The following SDK1 variants were observed in gnomAD, a reference collection of about 807,000 sequenced individuals.
The protein encoded by SDK1 is sidekick cell adhesion molecule 1.
A neutral mutation model predicts 245.5 loss-of-function variants in SDK1; 157 were observed. The ratio of observed to expected loss-of-function variants is 0.64; its 90% confidence interval spans 0.56 to 0.73. The LOEUF (loss-of-function observed/expected upper bound fraction) is 0.73, where lower values mean the gene tolerates loss of function less well. Ranked by LOEUF, SDK1 falls within the 30% of genes least tolerant of loss-of-function variation. SDK1 has a pLI of 0.00. For synonymous variants in SDK1, 1,647 were observed against 1,278.5 expected, an observed-to-expected ratio of 1.29 and a Z score of -6.15; for missense variants, 3,583 against 3,002.3, an observed-to-expected ratio of 1.19 and a Z score of -4.52.
intron 35 of SDK1, among the ~76,000 whole-genome samples, chr7:4,188,695 G>A (rs1443638059): frequency 1.3e-5 from 2 of 149,938 alleles, no homozygotes; most frequent in South Asian, 2.1e-4. Flanking sequence ...AAAAAAGAAA[G>A]AAAGAAAAAA....
chr7:3,762,014 C>T (rs774860993), intron 4 of SDK1, among the ~76,000 whole-genome samples: 1 of 152,174 alleles, frequency 6.6e-6, no homozygotes, highest in Non-Finnish European at 1.5e-5. Flanking sequence ...CACAAACTAT[C>T]AGCAGATGAC....
chr7:3,755,969 A>G (rs981287898), intron 4 of SDK1, among the ~76,000 whole-genome samples: 3 of 152,026 alleles, frequency 2.0e-5, no homozygotes, highest in Admixed American at 6.5e-5. Flanking sequence ...TTCACATGGC[A>G]TAGCACGTGT....
At chr7:4,090,975 A>T (rs1007579725) in intron 22 of SDK1, among the ~76,000 whole-genome samples, 1 of 152,084 alleles carries the variant, frequency 6.6e-6, no homozygotes, top group South Asian at 2.1e-4. Flanking sequence ...ATTCCACTCT[A>T]TGTGGCCAGT....
chr7:4,232,397 C>T (rs996247550), intron 40 of SDK1, among the ~76,000 whole-genome samples: 1,024 of 71,552 alleles, frequency 0.014, no homozygotes, highest in African/African-American at 0.017. Context: ...TTTTTCTTTT[C>T]TTTTCTTTTC....
chr7:3,566,379 C>G (rs1779918381), intron 1 of SDK1, among the ~76,000 whole-genome samples: 1 of 152,002 alleles, frequency 6.6e-6, no homozygotes, highest in Non-Finnish European at 1.5e-5. Context: ...CACCCGCCAT[C>G]ACGCCCAGCT....
At chr7:3,752,990 C>T (rs1583376000) in intron 4 of SDK1, among the ~76,000 whole-genome samples, 1 of 152,224 alleles carries the variant, frequency 6.6e-6, no homozygotes, top group Middle Eastern at 3.4e-3. Context: ...ATTTCTCCAC[C>T]CTGAAAGATA....
At chr7:3,453,262 T>A (rs747867881) in intron 1 of SDK1, among the ~76,000 whole-genome samples, 26 of 152,202 alleles carry the variant, frequency 1.7e-4, no homozygotes, top group Non-Finnish European at 3.4e-4. Flanking sequence ...AGAACTTGGC[T>A]GGGCATGAGG....
At chr7:3,822,938 A>G (rs1779682521) in intron 5 of SDK1, among the ~76,000 whole-genome samples, 1 of 152,050 alleles carries the variant, frequency 6.6e-6, no homozygotes, top group East Asian at 1.9e-4. Flanking sequence ...GGGGTCTCAG[A>G]TGCCTGCCTA....
At chr7:4,131,436 C>G (rs1452001019) in intron 27 of SDK1, among the ~76,000 whole-genome samples, 1 of 152,204 alleles carries the variant, frequency 6.6e-6, no homozygotes, top group African/African-American at 2.4e-5. Flanking sequence ...TTATTTCACC[C>G]CAAAATAGGC....
chr7:3,421,005 G>T (rs1352911550), intron 1 of SDK1, among the ~76,000 whole-genome samples: 1 of 150,074 alleles, frequency 6.7e-6, no homozygotes, highest in Non-Finnish European at 1.5e-5. Flanking sequence ...TTGTTTTATT[G>T]TTGTACTGTT....
chr7:4,074,829 C>T (rs1780522551), intron 20 of SDK1, among the ~76,000 whole-genome samples: 1 of 139,178 alleles, frequency 7.2e-6, no homozygotes, highest in Non-Finnish European at 1.5e-5. Flanking sequence ...CCCCACTGCA[C>T]TCCAGCCTGG....
At chr7:3,745,743 A>T (rs1583367816) in intron 4 of SDK1, among the ~76,000 whole-genome samples, 1 of 152,208 alleles carries the variant, frequency 6.6e-6, no homozygotes, top group South Asian at 2.1e-4. Context: ...TGTCTAGCCA[A>T]TATAATTAGC....
At chr7:3,432,487 G>C (rs554748868) in intron 1 of SDK1, among the ~76,000 whole-genome samples, 1 of 152,138 alleles carries the variant, frequency 6.6e-6, no homozygotes, top group South Asian at 2.1e-4. Flanking sequence ...AAGCTCAAAG[G>C]ATTAATGTAG....
intron 1 of SDK1, among the ~76,000 whole-genome samples, chr7:3,571,166 C>T (rs1012856903): frequency 6.6e-6 from 1 of 152,036 alleles, no homozygotes; most frequent in African/African-American, 2.4e-5. Flanking sequence ...TGATAATTTA[C>T]TTAAATGTAA....
chr7:3,523,092 A>C (rs556745772), intron 1 of SDK1, among the ~76,000 whole-genome samples: 14 of 152,340 alleles, frequency 9.2e-5, no homozygotes, highest in African/African-American at 3.4e-4. Flanking sequence ...TAAATGTAAA[A>C]AATTTAGATA....
At chr7:3,783,666 C>G (rs1015930826) in intron 4 of SDK1, among the ~76,000 whole-genome samples, 7 of 152,122 alleles carry the variant, frequency 4.6e-5, no homozygotes, top group African/African-American at 1.4e-4. Flanking sequence ...GAGTGAAGAC[C>G]TTTACACTGA....
chr7:3,347,318 G>C (rs913192953), intron 1 of SDK1, among the ~76,000 whole-genome samples: 11 of 151,890 alleles, frequency 7.2e-5, no homozygotes, highest in Non-Finnish European at 1.2e-4. Flanking sequence ...TATTTTTATA[G>C]GTGAAAGAGT....
intron 1 of SDK1, among the ~76,000 whole-genome samples, chr7:3,344,623 C>T (rs1362110368): frequency 1.3e-5 from 2 of 152,078 alleles, no homozygotes; most frequent in Non-Finnish European, 2.9e-5. Flanking sequence ...AATGTTAAAA[C>T]TGCATTACCA....
intron 40 of SDK1, among the ~76,000 whole-genome samples, chr7:4,228,622 C>G (rs1785572394): frequency 6.6e-6 from 1 of 152,220 alleles, no homozygotes; most frequent in Non-Finnish European, 1.5e-5. Flanking sequence ...TCACTGCAAC[C>G]TTCACCTCCC....
Sources: allele counts gnomAD v4.1 joint callset (sites outside exome capture counted in the v4.1 genomes callset), GRCh38; gene constraint gnomAD v4.1.1; transcripts MANE v1.5; gene names NCBI Gene and HGNC (gene_info 2026-07-23, HGNC 2026-07-21).